PAPPA2: variants seen among roughly 807,000 people sequenced by gnomAD.
The protein encoded by PAPPA2 is pappalysin-2.
A neutral mutation model predicts 176.4 loss-of-function variants in PAPPA2; 86 were observed. The observed-to-expected ratio is 0.49, with a 90% confidence interval of 0.41 to 0.58. PAPPA2 has a LOEUF of 0.58. Among genes scored for constraint, PAPPA2 ranks in the 20% least tolerant of loss-of-function variants. PAPPA2 has a pLI of 0.00. For missense variants in PAPPA2, 2,073 were observed against 2,256.9 expected (o/e 0.92, Z 1.65); for synonymous variants, 809 against 852.2 (o/e 0.95, Z 0.88).
At chr1:176,724,723 A>T (rs1248724583) in intron 12 of PAPPA2, among the ~76,000 whole-genome samples, 3 of 152,218 alleles carry the variant, frequency 2.0e-5, no homozygotes, top group Non-Finnish European at 4.4e-5. Context: ...TCAACAGAAA[A>T]CGCAATACAT....
chr1:176,721,987 A>G lies in PAPPA2; in HGVS notation c.3798+10006A>G, dbSNP rs113089195. On this transcript the variant is annotated intron_variant, in intron 12 of 22. Coordinates refer to ENST00000367662, the MANE Select transcript of PAPPA2 (RefSeq NM_020318.3). Reference sequence around the variant, plus strand: ...TTACACTGAGCTATCTTCTGTTTCAATAATCCCAAATTTTGCTCAATATAA... The same window carrying G: ...TTACACTGAGCTATCTTCTGTTTCAGTAATCCCAAATTTTGCTCAATATAA... 4.6e-5 allele frequency among the ~76,000 whole-genome samples: 7 copies of G among 152,204 alleles called. No homozygotes were observed. The East Asian group carries it at 9.6e-4, about 21-fold the overall frequency.
chr1:176,699,636 G>A (rs374684939), intron 8 of PAPPA2, 47 bp downstream of exon 8: 2 of 1,536,106 alleles, frequency 1.3e-6, no homozygotes, highest in Non-Finnish European at 8.8e-7. Context: ...CTCTGGGGGT[G>A]GGTTTTGTTA....
At chr1:176,636,749 G>A (rs550037960) in intron 3 of PAPPA2, among the ~76,000 whole-genome samples, 1 of 151,984 alleles carries the variant, frequency 6.6e-6, no homozygotes, top group Non-Finnish European at 1.5e-5. Context: ...TACATCTCTG[G>A]TCTAATAAGT....
At chr1:176,509,886 T>C (rs1039095536) in intron 1 of PAPPA2, among the ~76,000 whole-genome samples, 2 of 151,612 alleles carry the variant, frequency 1.3e-5, no homozygotes, top group Non-Finnish European at 2.9e-5. Context: ...AAAAACACAT[T>C]AGCTGGGCAT....
At position 176,483,107 on chromosome 1, in the gene PAPPA2, T is replaced by A. The variant is rs1458348030; in HGVS notation, c.-917+19689T>A. ...ACATGATCATCAGTGCCATTGGACA[T>A]ACTGGATCACTTCTCTAGTCTTGCC... On this transcript the variant is annotated intron_variant, in intron 1 of 22. Transcript: ENST00000367662. Among the ~76,000 whole-genome samples, 5 of 152,282 alleles carry A rather than the reference T, an allele frequency of 3.3e-5. No homozygotes were observed. The East Asian group carries it at 5.8e-4, about 18-fold the overall frequency.
chr1:176,499,320 T>G (rs1317325076), intron 1 of PAPPA2, among the ~76,000 whole-genome samples: 1 of 152,230 alleles, frequency 6.6e-6, no homozygotes, highest in African/African-American at 2.4e-5. Context: ...ACTAGAATTT[T>G]GGGCTATGTG....
intron 3 of PAPPA2, among the ~76,000 whole-genome samples, chr1:176,639,044 A>C (rs1287839644): frequency 1.3e-5 from 2 of 151,586 alleles, no homozygotes; most frequent in Non-Finnish European, 2.9e-5. Flanking sequence ...CTGGAGTTAG[A>C]AATGCTGACT....
At chr1:176,529,738 G>A (rs926249119) in intron 1 of PAPPA2, among the ~76,000 whole-genome samples, 2 of 151,948 alleles carry the variant, frequency 1.3e-5, no homozygotes, top group African/African-American at 4.8e-5. Flanking sequence ...CAATACCGTG[G>A]AACGTTTGGC....
At chr1:176,802,516 T>C (rs1232497221) in intron 21 of PAPPA2, among the ~76,000 whole-genome samples, 1 of 152,088 alleles carries the variant, frequency 6.6e-6, no homozygotes, top group Non-Finnish European at 1.5e-5. Context: ...GAAAACAGAC[T>C]GGAGGCAAGA....
At chr1:176,695,906 G>A (rs1203127722) in intron 7 of PAPPA2, 47 bp downstream of exon 7, 1 of 1,603,684 alleles carries the variant, frequency 6.2e-7, no homozygotes, top group Non-Finnish European at 8.5e-7. Context: ...GACCACTGAG[G>A]ATGGGGGTGG....
chr1:176,692,220 G>A lies in PAPPA2; in HGVS notation c.2526G>A (p.Lys842=). ...LVYQQWTESR[K]PTPIPIPPMV... ...ATCAGCAGTGGACTGAAAGCAGAAA[G>A]CCCACCCCCATCCCCATTCCACCTA... The change falls in exon 6 of 23, where the codon AAG becomes AAA. Residue 842 remains lysine (K), a synonymous_variant. Transcript: ENST00000367662. 3.1e-6 allele frequency: 5 copies of A among 1,614,022 alleles called. No individual in the cohort carries two copies. The highest frequency in any genetic ancestry group is 1.1e-5 in the South Asian group (1 of 91,078).
In PAPPA2 at chr1:176,709,980, C is replaced by A; in HGVS notation, c.3458-3C>A. 6.3e-7 allele frequency: 1 copy of A among 1,587,800 alleles called. No homozygotes were observed. The highest frequency in any genetic ancestry group is 8.6e-7 in the Non-Finnish European group (1 of 1,168,522). On this transcript the variant is annotated splice_polypyrimidine_tract_variant and splice_region_variant and intron_variant, in intron 10 of 22. Transcript: ENST00000367662. Reference sequence around the variant, plus strand: ...TTCTGTGTCACACAATATTTCTTGGCAGGAGAGCCAAGCCTTTGCTACATG... The same window carrying A: ...TTCTGTGTCACACAATATTTCTTGGAAGGAGAGCCAAGCCTTTGCTACATG...
chr1:176,601,775 T>C (rs575650249), intron 3 of PAPPA2, among the ~76,000 whole-genome samples: 44 of 152,356 alleles, frequency 2.9e-4, no homozygotes, highest in African/African-American at 1.0e-3. Flanking sequence ...TTCTGTACCC[T>C]CAGGGGAACT....
At chr1:176,522,734 G>A (rs2102540082) in intron 1 of PAPPA2, among the ~76,000 whole-genome samples, 1 of 152,310 alleles carries the variant, frequency 6.6e-6, no homozygotes, top group East Asian at 1.9e-4. Flanking sequence ...TTAGATGGGG[G>A]AGATGATGTC....
At chr1:176,702,464 C>G in intron 8 of PAPPA2, 143 bp from the exon 9 acceptor site, 1 of 1,243,716 alleles carries the variant, frequency 8.0e-7, no homozygotes, top group Non-Finnish European at 1.1e-6. Flanking sequence ...GTGCCCTGAT[C>G]TTTGTTTTAG....
chr1:176,649,844 T>C (rs1181725814), intron 3 of PAPPA2, among the ~76,000 whole-genome samples: 1 of 151,616 alleles, frequency 6.6e-6, no homozygotes, highest in Admixed American at 6.6e-5. Flanking sequence ...AATAATTCCA[T>C]GTCCTGATTA....
At chr1:176,519,456 A>C (rs527366277) in intron 1 of PAPPA2, among the ~76,000 whole-genome samples, 2 of 152,180 alleles carry the variant, frequency 1.3e-5, no homozygotes, top group Admixed American at 1.3e-4. Flanking sequence ...GCAATACCAA[A>C]GGTATGCTTT....
chr1:176,687,450 T>C (rs1362650508), intron 4 of PAPPA2, among the ~76,000 whole-genome samples: 6 of 152,172 alleles, frequency 3.9e-5, no homozygotes, highest in Non-Finnish European at 7.3e-5. Context: ...AACATCTCAT[T>C]TGGGGTTGAG....
At chr1:176,753,878 A>G (rs897494253) in intron 14 of PAPPA2, among the ~76,000 whole-genome samples, 1 of 152,064 alleles carries the variant, frequency 6.6e-6, no homozygotes, top group Non-Finnish European at 1.5e-5. Context: ...CTTTTCCCAT[A>G]ATGATTTGTC....
Sources: gnomAD v4.1 joint callset for allele counts (sites outside exome capture counted in the v4.1 genomes callset) on GRCh38, gnomAD v4.1.1 for gene constraint, MANE v1.5 for transcripts, NCBI Gene and HGNC (gene_info 2026-07-23, HGNC 2026-07-21) for gene names.